The following TAFA1 variants were observed in gnomAD, a reference collection of about 807,000 sequenced individuals.
TAFA1 encodes TAFA chemokine like family member 1.
In TAFA1, 4 loss-of-function variants were observed where a neutral mutation model predicts 18.5. The ratio of observed to expected loss-of-function variants is 0.22; its 90% CI spans 0.11 to 0.49. The LOEUF is 0.49. TAFA1 is among the 20% of genes least tolerant of loss of function. The probability of loss-of-function intolerance (pLI) is 0.98; values close to 1 mark genes in which losing one functional copy is unlikely to be tolerated. For missense variants in TAFA1, 147 were observed against 169.0 expected (o/e 0.87, Z 0.72); for synonymous variants, 56 against 55.2 (o/e 1.01, Z -0.06).
intron 2 of TAFA1, among the ~76,000 whole-genome samples, chr3:68,210,438 A>G (rs772444715): frequency 4.6e-5 from 7 of 152,012 alleles, no homozygotes; most frequent in African/African-American, 7.2e-5. Flanking sequence ...TCTGGTGGGT[A>G]TAGACTTGGG....
intron 2 of TAFA1, among the ~76,000 whole-genome samples, chr3:68,339,408 A>G (rs1190849169): frequency 6.6e-6 from 1 of 152,236 alleles, no homozygotes; most frequent in African/African-American, 2.4e-5. Flanking sequence ...TACTGTTTAT[A>G]AATGATTATG....
At chr3:68,356,777 C>T (rs1272043144) in intron 2 of TAFA1, among the ~76,000 whole-genome samples, 1 of 151,970 alleles carries the variant, frequency 6.6e-6, no homozygotes, top group African/African-American at 2.4e-5. Context: ...CATATCCATA[C>T]ACACATACAT....
At chr3:68,481,441 C>T (rs1233623335) in intron 3 of TAFA1, among the ~76,000 whole-genome samples, 1 of 152,156 alleles carries the variant, frequency 6.6e-6, no homozygotes, top group Non-Finnish European at 1.5e-5. Context: ...CAGAGTCACT[C>T]ATCTTGGGAT....
At chr3:68,267,327 A>T (rs1482149533) in intron 2 of TAFA1, among the ~76,000 whole-genome samples, 2 of 152,196 alleles carry the variant, frequency 1.3e-5, no homozygotes, top group Admixed American at 1.3e-4. Context: ...GTATCATTTT[A>T]CTCAAACAAA....
intron 3 of TAFA1, among the ~76,000 whole-genome samples, chr3:68,433,057 C>A (rs150924150): frequency 9.1e-4 from 139 of 152,140 alleles, no homozygotes; most frequent in African/African-American, 3.0e-3. Context: ...AGTTATTAGA[C>A]ATCTCCGTTT....
At position 68,262,348 on chromosome 3, in the gene TAFA1, TA is replaced by T. The variant is rs1559585994; in HGVS notation, c.119-154931del. On this transcript the variant is annotated intron_variant, in intron 2 of 4. Transcript: ENST00000478136. The stretch of plus-strand genomic sequence containing the variant: ...ATATATATATATATATATATATATA[TA>T]TATATATATTTCATGGGTATATTGA... Among the ~76,000 whole-genome samples the T allele has an allele frequency of 1.8e-3, 182 of 99,166 alleles. 2 individuals are homozygous for T. Among genetic ancestry groups the T allele is most frequent in the African/African-American group, 3.4e-3 (87 of 25,368 alleles). The allele number at this position is 99,166 out of a possible 152,430, so 65.1% of individuals were successfully genotyped here.
intron 3 of TAFA1, among the ~76,000 whole-genome samples, chr3:68,450,753 C>T (rs1016972237): frequency 6.6e-6 from 1 of 152,168 alleles, no homozygotes; most frequent in Non-Finnish European, 1.5e-5. Context: ...ATAAGGACAA[C>T]ACAAGATCCT....
intron 2 of TAFA1, among the ~76,000 whole-genome samples, chr3:68,383,220 A>G (rs1280598675): frequency 1.3e-5 from 2 of 152,042 alleles, no homozygotes; most frequent in African/African-American, 2.4e-5. Context: ...TTCCAACACT[A>G]TGTTGAATAG....
At chr3:68,465,686 C>T (rs2071874473) in intron 3 of TAFA1, among the ~76,000 whole-genome samples, 1 of 152,168 alleles carries the variant, frequency 6.6e-6, no homozygotes, top group Admixed American at 6.6e-5. Flanking sequence ...GCCACTTCGT[C>T]TCTAGCCACA....
At chr3:68,299,977 T>G (rs2068274693) in intron 2 of TAFA1, among the ~76,000 whole-genome samples, 1 of 152,224 alleles carries the variant, frequency 6.6e-6, no homozygotes, top group Admixed American at 6.5e-5. Flanking sequence ...AGAACCCTCA[T>G]GGAGAACCTC....
chr3:68,045,319 G>T (rs967683311), intron 2 of TAFA1, among the ~76,000 whole-genome samples: 6 of 152,110 alleles, frequency 3.9e-5, no homozygotes, highest in African/African-American at 1.4e-4. Flanking sequence ...AGTCATATGT[G>T]CGAGTCCAAT....
intron 2 of TAFA1, among the ~76,000 whole-genome samples, chr3:68,255,035 A>G (rs1282493545): frequency 6.6e-6 from 1 of 152,196 alleles, no homozygotes; most frequent in African/African-American, 2.4e-5. Flanking sequence ...TATTTGGTTT[A>G]CAACAGGAAA....
intron 2 of TAFA1, among the ~76,000 whole-genome samples, chr3:68,187,630 T>A (rs1208111925): frequency 6.6e-6 from 1 of 152,052 alleles, no homozygotes; most frequent in African/African-American, 2.4e-5. Flanking sequence ...AACTTTCTTA[T>A]ATGTGTTTTG....
At chr3:68,392,097 G>T (rs550534108) in intron 2 of TAFA1, among the ~76,000 whole-genome samples, 11 of 150,480 alleles carry the variant, frequency 7.3e-5, no homozygotes, top group African/African-American at 2.7e-4. Context: ...CCATCAGTGT[G>T]CTGTATTCAG....
upstream of TAFA1, among the ~76,000 whole-genome samples, chr3:68,001,045 C>T (rs1047897861): frequency 6.6e-6 from 1 of 152,050 alleles, no homozygotes. Flanking sequence ...ATTTTCATGA[C>T]CTTTATATGC....
intron 2 of TAFA1, among the ~76,000 whole-genome samples, chr3:68,357,837 T>A: frequency 6.6e-6 from 1 of 151,950 alleles, no homozygotes. Flanking sequence ...CAAGGAATTA[T>A]GAGGAAGATG....
chr3:68,196,206 C>T (rs920629123), intron 2 of TAFA1, among the ~76,000 whole-genome samples: 13 of 151,714 alleles, frequency 8.6e-5, no homozygotes, highest in Admixed American at 6.6e-4. Context: ...GTTCACGTAA[C>T]TTGTAACTTT....
At chr3:68,504,809 G>T (rs900518119) in intron 3 of TAFA1, among the ~76,000 whole-genome samples, 2 of 152,094 alleles carry the variant, frequency 1.3e-5, no homozygotes, top group Non-Finnish European at 1.5e-5. Flanking sequence ...GTGGGGCCAG[G>T]TTTCAACCTG....
At chr3:68,175,825 A>G (rs927447353) in intron 2 of TAFA1, among the ~76,000 whole-genome samples, 2 of 152,102 alleles carry the variant, frequency 1.3e-5, no homozygotes, top group Admixed American at 6.5e-5. Context: ...GGGAGGGGCC[A>G]GGGGTGGAAT....
Sources: gnomAD v4.1 joint callset for allele counts (sites outside exome capture counted in the v4.1 genomes callset) on GRCh38, gnomAD v4.1.1 for gene constraint, MANE v1.5 for transcripts, NCBI Gene and HGNC (gene_info 2026-07-23, HGNC 2026-07-21) for gene names.